Variants in CFAP95 observed in about 807,000 individuals in gnomAD.
CFAP95 encodes the protein cilia and flagella associated protein 95.
At chr9:69,833,242 T>C in the CFAP95 span, among the ~76,000 whole-genome samples, 175 of 152,336 alleles carry the variant, frequency 1.1e-3, 1 homozygote, top group Non-Finnish European at 2.2e-3. Flanking sequence ...TCTATAGATT[T>C]GCCTATTCTG....
chr9:69,869,664 A>C, the CFAP95 span, among the ~76,000 whole-genome samples: 2 of 152,198 alleles, frequency 1.3e-5, no homozygotes, highest in African/African-American at 2.4e-5. Flanking sequence ...GACTGTAGTA[A>C]AATCAGTTTA....
chr9:69,860,023 A>C, the CFAP95 span, among the ~76,000 whole-genome samples: 1 of 152,228 alleles, frequency 6.6e-6, no homozygotes, highest in African/African-American at 2.4e-5. Context: ...GGGTGAGTCC[A>C]TGAGTGAGCA....
At chr9:69,868,185 A>G in the CFAP95 span, among the ~76,000 whole-genome samples, 8,459 of 152,312 alleles carry the variant, frequency 0.056, 339 homozygotes, top group East Asian at 0.17. Flanking sequence ...AAAATGGATT[A>G]AAGATTTAAG....
chr9:69,848,925 T>G, the CFAP95 span, among the ~76,000 whole-genome samples: 1 of 152,158 alleles, frequency 6.6e-6, no homozygotes, highest in Non-Finnish European at 1.5e-5. Context: ...TCAAGGAGCA[T>G]GAGAAAGAAC....
chr9:69,838,051 G>A, the CFAP95 span, among the ~76,000 whole-genome samples: 31 of 152,290 alleles, frequency 2.0e-4, no homozygotes, highest in African/African-American at 7.2e-4. Context: ...TAGATATGCA[G>A]CATTATTTCT....
chr9:69,874,859 A>T, the CFAP95 span, among the ~76,000 whole-genome samples: 1 of 152,190 alleles, frequency 6.6e-6, no homozygotes, highest in African/African-American at 2.4e-5. Context: ...GTTCCAGATA[A>T]TGACTTAAAT....
At chr9:69,843,592 T>G in the CFAP95 span, among the ~76,000 whole-genome samples, 2 of 69,814 alleles carry the variant, frequency 2.9e-5, no homozygotes, top group Non-Finnish European at 5.1e-5. Flanking sequence ...CTTCTTCTTC[T>G]TCTTCTTCTT....
the CFAP95 span, chr9:69,886,807 C>A: frequency 7.6e-6 from 12 of 1,571,898 alleles, no homozygotes; most frequent in Middle Eastern, 1.7e-4. Context: ...TTTTTGAAGT[C>A]ATTCTTTCCT....
the CFAP95 span, chr9:69,844,517 G>A: frequency 5.1e-6 from 8 of 1,580,594 alleles, no homozygotes; most frequent in South Asian, 1.2e-5. Flanking sequence ...TTTTCTTAAG[G>A]CACCGTGACA....
At chr9:69,886,744 A>T in the CFAP95 span, 19 of 879,416 alleles carry the variant, frequency 2.2e-5, no homozygotes, top group East Asian at 4.7e-4. Context: ...CCTTCCTGAA[A>T]TGTTTTTATT....
the CFAP95 span, among the ~76,000 whole-genome samples, chr9:69,872,822 G>C: frequency 6.6e-6 from 1 of 152,112 alleles, no homozygotes; most frequent in Non-Finnish European, 1.5e-5. Flanking sequence ...CTGTGAAAGG[G>C]CTGTATATAC....
the CFAP95 span, among the ~76,000 whole-genome samples, chr9:69,853,520 A>G: frequency 7.9e-5 from 12 of 152,224 alleles, no homozygotes; most frequent in African/African-American, 2.9e-4. Flanking sequence ...GTGTTAATTT[A>G]GCTATCTCAC....
chr9:69,855,940 T>A, the CFAP95 span, among the ~76,000 whole-genome samples: 1 of 152,232 alleles, frequency 6.6e-6, no homozygotes, highest in Non-Finnish European at 1.5e-5. Flanking sequence ...TGGTGATGAG[T>A]TCTGGTTCTT....
At chr9:69,829,910 CT>C in the CFAP95 span, among the ~76,000 whole-genome samples, 1 of 152,176 alleles carries the variant, frequency 6.6e-6, no homozygotes, top group Non-Finnish European at 1.5e-5. Context: ...CTGGTCAGAG[CT>C]CTTTTGGTTG....
chr9:69,866,515 G>C, the CFAP95 span, among the ~76,000 whole-genome samples: 1 of 152,220 alleles, frequency 6.6e-6, no homozygotes, highest in African/African-American at 2.4e-5. Context: ...CCTAGCTCAA[G>C]AAGAGAGAAA....
the CFAP95 span, among the ~76,000 whole-genome samples, chr9:69,855,347 A>G: frequency 6.6e-6 from 1 of 152,240 alleles, no homozygotes; most frequent in South Asian, 2.1e-4. Flanking sequence ...TAATTTTTAC[A>G]CTTGCTCTTA....
At chr9:69,873,687 G>A in the CFAP95 span, among the ~76,000 whole-genome samples, 9 of 152,166 alleles carry the variant, frequency 5.9e-5, no homozygotes, top group South Asian at 2.1e-4. Flanking sequence ...TAGATGACCC[G>A]TCTGATTTGG....
chr9:69,856,512 A>G, the CFAP95 span: 1 of 1,138,288 alleles, frequency 8.8e-7, no homozygotes, highest in South Asian at 1.4e-5. Context: ...GACCATTTGT[A>G]GTGAAAATTC....
chr9:69,880,355 T>C, the CFAP95 span, among the ~76,000 whole-genome samples: 1 of 152,180 alleles, frequency 6.6e-6, no homozygotes, highest in Non-Finnish European at 1.5e-5. Context: ...CCTATGTCCA[T>C]GAGTTCAGTT....
Sources: gnomAD v4.1 joint callset for allele counts (sites outside exome capture counted in the v4.1 genomes callset) on GRCh38, gnomAD v4.1.1 for gene constraint, MANE v1.5 for transcripts, NCBI Gene and HGNC (gene_info 2026-07-23, HGNC 2026-07-21) for gene names.